Variants in TRERF1 observed in about 807,000 individuals in gnomAD.
The protein encoded by TRERF1 is transcriptional regulating factor 1.
TRERF1 carries 27 observed loss-of-function variants against 122.9 expected under a neutral mutation model. The ratio of observed to expected loss-of-function variants is 0.22; its 90% confidence interval spans 0.16 to 0.30. The LOEUF (loss-of-function observed/expected upper bound fraction) is 0.30. Among genes scored for constraint, TRERF1 ranks in the 10% least tolerant of loss-of-function variants. The pLI, the probability that TRERF1 is intolerant of heterozygous loss-of-function variation, is 1.00. For missense variants in TRERF1, 1,248 were observed against 1,560.3 expected, an observed-to-expected ratio of 0.80 and a Z score of 3.37; for synonymous variants, 636 against 641.7, an observed-to-expected ratio of 0.99 and a Z score of 0.13.
intron 2 of TRERF1, among the ~76,000 whole-genome samples, chr6:42,409,140 A>G (rs1388490273): frequency 6.6e-6 from 1 of 152,038 alleles, no homozygotes; most frequent in African/African-American, 2.4e-5. Flanking sequence ...TTAGCTGGGC[A>G]TGGTGGTGTA....
intron 4 of TRERF1, among the ~76,000 whole-genome samples, chr6:42,278,863 T>C (rs1033889139): frequency 1.3e-5 from 2 of 151,664 alleles, no homozygotes; most frequent in Non-Finnish European, 2.9e-5. Context: ...AGATGAGAGG[T>C]CATGAGGGCC....
intron 2 of TRERF1, among the ~76,000 whole-genome samples, chr6:42,373,715 C>T (rs540022549): frequency 6.6e-6 from 1 of 151,830 alleles, no homozygotes; most frequent in South Asian, 2.1e-4. Context: ...CCTGTAATCC[C>T]AGCTACTCAG....
chr6:42,341,102 C>G (rs1295192582), intron 3 of TRERF1, among the ~76,000 whole-genome samples: 1 of 152,194 alleles, frequency 6.6e-6, no homozygotes, highest in Non-Finnish European at 1.5e-5. Context: ...TTCATGACCT[C>G]AAATCACTTA....
At chr6:42,373,739 G>A (rs1277709027) in intron 2 of TRERF1, among the ~76,000 whole-genome samples, 1 of 151,686 alleles carries the variant, frequency 6.6e-6, no homozygotes, top group Non-Finnish European at 1.5e-5. Context: ...GCTGAGTCAG[G>A]AGAATCGCTT....
intron 13 of TRERF1, among the ~76,000 whole-genome samples, chr6:42,250,121 T>C (rs898322444): frequency 1.3e-5 from 2 of 152,210 alleles, no homozygotes; most frequent in Admixed American, 6.5e-5. Flanking sequence ...TCTCTGAGTC[T>C]CAGTTTCCCC....
chr6:42,317,885 G>A (rs1762751109), intron 3 of TRERF1, among the ~76,000 whole-genome samples: 1 of 152,048 alleles, frequency 6.6e-6, no homozygotes, highest in Admixed American at 6.5e-5. Flanking sequence ...TAGGCACGGT[G>A]GCTCACACCT....
At chr6:42,363,079 C>T in exon 3 of TRERF1, 1 of 153,226 alleles carries the variant, frequency 6.5e-6, no homozygotes. Flanking sequence ...ACAGCCAGGG[C>T]CTGCAGGAGT....
At chr6:42,373,115 C>A (rs977840339) in intron 2 of TRERF1, among the ~76,000 whole-genome samples, 2 of 152,232 alleles carry the variant, frequency 1.3e-5, no homozygotes, top group Admixed American at 1.3e-4. Context: ...ATTTGTTATT[C>A]TTGCTACAGT....
At chr6:42,375,003 C>CAAAAAAAAAAAAAAAAAAAA (rs55696342) in intron 2 of TRERF1, among the ~76,000 whole-genome samples, 1 of 87,514 alleles carries the variant, frequency 1.1e-5, no homozygotes, top group Non-Finnish European at 2.3e-5. Flanking sequence ...AAGATTCTGT[C>CAAAAAAAAAAAAAAAAAAAA]AAAAAAAAAA....
intron 13 of TRERF1, 58 bp from the exon 14 acceptor site, chr6:42,246,602 C>T (rs1774849350): frequency 1.6e-6 from 2 of 1,289,576 alleles, no homozygotes; most frequent in Admixed American, 2.2e-5. Flanking sequence ...CTTTTAGTTG[C>T]TGGTTCATTT....
At chr6:42,288,483 G>T (rs1035404821) in intron 4 of TRERF1, among the ~76,000 whole-genome samples, 2 of 150,154 alleles carry the variant, frequency 1.3e-5, no homozygotes, top group Non-Finnish European at 2.9e-5. Context: ...CAGGAGAATC[G>T]CTTGAATCCA....
intron 2 of TRERF1, among the ~76,000 whole-genome samples, chr6:42,448,441 G>A (rs1204312797): frequency 1.3e-5 from 2 of 152,182 alleles, no homozygotes; most frequent in Non-Finnish European, 2.9e-5. Flanking sequence ...ATTTCCTTGT[G>A]TTTGATGGTC....
chr6:42,331,495 C>A (rs986091043), intron 3 of TRERF1, among the ~76,000 whole-genome samples: 1 of 152,180 alleles, frequency 6.6e-6, no homozygotes, highest in Non-Finnish European at 1.5e-5. Flanking sequence ...TCGGGATTAA[C>A]TGACTGGCAA....
At chr6:42,358,442 A>T (rs746726931) in intron 3 of TRERF1, among the ~76,000 whole-genome samples, 35 of 152,230 alleles carry the variant, frequency 2.3e-4, no homozygotes, top group Non-Finnish European at 4.6e-4. Context: ...GGCTTCAAAA[A>T]GTAGGGTGTA....
chr6:42,282,654 A>G (rs1203849425), intron 4 of TRERF1, among the ~76,000 whole-genome samples: 1 of 152,258 alleles, frequency 6.6e-6, no homozygotes. Context: ...GTTAAGTGAA[A>G]AAGAAAGATG....
In TRERF1 at chr6:42,269,184, G is replaced by T; in HGVS notation, c.407C>A (p.Thr136Asn). The T allele has an allele frequency of 6.2e-7, 1 of 1,614,244 alleles. No homozygotes were observed. Among genetic ancestry groups the T allele is most frequent in the Non-Finnish European group, 8.5e-7 (1 of 1,180,042 alleles). The change falls in exon 5 of 18, where the codon ACC becomes AAC. Residue 136 changes from threonine to asparagine, a missense_variant. Around this residue, in one of 5 missense-constraint regions of TRERF1, gnomAD observed 946 missense variants for 1,073.0 expected, o/e 0.88. Coordinates refer to ENST00000372922, the Ensembl canonical transcript of TRERF1. This position sits in a 1 kb window ranked among gnomAD's most constrained non-coding sequence, Gnocchi z 4.9. ...GTCCAGCTTGTGTAAGACACCGCTG[G>T]TAAGCTTCTGGGTCCGGATCTCGCT...
At chr6:42,249,628 C>G (rs754151213) in intron 13 of TRERF1, among the ~76,000 whole-genome samples, 1 of 152,156 alleles carries the variant, frequency 6.6e-6, no homozygotes, top group Admixed American at 6.5e-5. Flanking sequence ...TTCTGTACAA[C>G]TCATCCTGAG....
chr6:42,306,789 AT>A (rs1441288686), intron 3 of TRERF1, among the ~76,000 whole-genome samples: 2 of 152,198 alleles, frequency 1.3e-5, no homozygotes, highest in African/African-American at 4.8e-5. Flanking sequence ...GGGCAACAGC[AT>A]TTATCACAGT....
intron 15 of TRERF1, among the ~76,000 whole-genome samples, chr6:42,237,064 A>G (rs1772412804): frequency 6.6e-6 from 1 of 152,206 alleles, no homozygotes; most frequent in Non-Finnish European, 1.5e-5. Flanking sequence ...GGCTTAGAAA[A>G]AGCAGTGTAT....
Sources: gnomAD v4.1 joint callset for allele counts (sites outside exome capture counted in the v4.1 genomes callset) on GRCh38, gnomAD v4.1.1 for gene constraint, gnomAD v4.1.1 regional missense constraint, Gnocchi (gnomAD v3.1) non-coding constraint, MANE v1.5 for transcripts, NCBI Gene and HGNC (gene_info 2026-07-23, HGNC 2026-07-21) for gene names.